ITGA1: variants seen among roughly 807,000 people sequenced by gnomAD.
The protein encoded by ITGA1 is integrin subunit alpha 1, also known as integrin alpha-1.
Under a neutral mutation model 145.9 loss-of-function variants are expected in ITGA1, and 85 were observed. That is an observed-to-expected ratio of 0.58 (90% CI 0.49 to 0.70). The LOEUF (loss-of-function observed/expected upper bound fraction) is 0.70. ITGA1 is among the 30% of genes least tolerant of loss of function. ITGA1 has a pLI of 0.00. For synonymous variants in ITGA1, 520 were observed against 495.3 expected (o/e 1.05, Z -0.66); for missense variants, 1,351 against 1,418.7 (o/e 0.95, Z 0.77).
intron 1 of ITGA1, among the ~76,000 whole-genome samples, chr5:52,829,562 G>T (rs1749024133): frequency 6.6e-6 from 1 of 151,874 alleles, no homozygotes; most frequent in Admixed American, 6.6e-5. Context: ...AGCACAGTTA[G>T]ATGGAAAAGG....
At chr5:52,937,347 G>T in intron 23 of ITGA1, 54 bp from the exon 24 acceptor site, 1 of 1,202,586 alleles carries the variant, frequency 8.3e-7, no homozygotes, top group Non-Finnish European at 1.2e-6. Flanking sequence ...ACATAAGACA[G>T]AAGAATTCTA....
chr5:52,924,510 C>T (rs1750774171), intron 18 of ITGA1, among the ~76,000 whole-genome samples: 1 of 152,224 alleles, frequency 6.6e-6, no homozygotes, highest in Non-Finnish European at 1.5e-5. Context: ...GAGGTAAAGG[C>T]AGGGGCCGGG....
chr5:52,882,055 A>T (rs1180696684), intron 7 of ITGA1, 34 bp downstream of exon 7: 5 of 1,498,542 alleles, frequency 3.3e-6, no homozygotes, highest in Non-Finnish European at 4.5e-6. Context: ...AAAGTAAAAG[A>T]CTGCAAAAAT....
chr5:52,907,750 C>T (rs1321102609), intron 12 of ITGA1, among the ~76,000 whole-genome samples: 1 of 152,142 alleles, frequency 6.6e-6, no homozygotes, highest in African/African-American at 2.4e-5. Context: ...TGGTGGGAAC[C>T]ATGGCCCTGG....
chr5:52,886,787 T>G (rs1409506428), intron 7 of ITGA1, among the ~76,000 whole-genome samples: 1 of 152,192 alleles, frequency 6.6e-6, no homozygotes, highest in Non-Finnish European at 1.5e-5. Context: ...TTTTGTTTTG[T>G]TTTTGAGACG....
At position 52,879,498 on chromosome 5, in the gene ITGA1, A is replaced by G. The variant is rs116742135; in HGVS notation, c.625-2375A>G. On this transcript the variant is annotated intron_variant, in intron 6 of 28. Coordinates refer to ENST00000282588, the MANE Select transcript of ITGA1 (RefSeq NM_181501.2). ...TATATACCCAAAGACATGTGTATCC[A>G]TGGATATGTCCCTTAATAATTATTC... Among the ~76,000 whole-genome samples, 1,236 of 152,330 alleles carry G rather than the reference A, an allele frequency of 8.1e-3. 10 individuals carry two copies. Among genetic ancestry groups the G allele is most frequent in the African/African-American group, 0.025 (1,033 of 41,572 alleles).
chr5:52,886,259 A>C (rs1750045003), intron 7 of ITGA1, among the ~76,000 whole-genome samples: 1 of 152,188 alleles, frequency 6.6e-6, no homozygotes. Context: ...CTGTATATCC[A>C]CCACTCAGAA....
chr5:52,893,706 G>A lies in ITGA1; in HGVS notation c.956G>A (p.Ser319Asn). 6.2e-7 allele frequency: 1 copy of A among 1,612,794 alleles called. No individual in the cohort carries two copies. The highest frequency in any genetic ancestry group is 8.5e-7 in the Non-Finnish European group (1 of 1,179,236). Residue 319 changes from serine to asparagine, a missense_variant, in exon 9 of 29, where the codon AGC becomes AAC. Physicochemically the swap from Ser to Asn is conservative, Grantham distance 46. Coordinates refer to ENST00000282588, the MANE Select transcript of ITGA1 (RefSeq NM_181501.2). ...ILGSYNRGNL[S>N]TEKFVEEIKS... ...GGCAGCTATAACCGAGGAAATTTAA[G>A]CACTGAAAAATTTGTGGAGGAAATA... is the stretch of plus-strand genomic sequence containing the variant.
At chr5:52,892,274 T>G (rs1750163312) in intron 8 of ITGA1, among the ~76,000 whole-genome samples, 1 of 152,022 alleles carries the variant, frequency 6.6e-6, no homozygotes, top group Non-Finnish European at 1.5e-5. Context: ...GCAAATTAAA[T>G]AAGACACCAC....
At position 52,944,981 on chromosome 5, in the gene ITGA1, A is replaced by G. The variant is rs1447925537; in HGVS notation, c.3324A>G (p.Glu1108=). The change falls in exon 27 of 29, where the codon GAA becomes GAG. Residue 1108 remains glutamate (E), a synonymous_variant. Transcript: ENST00000282588. ...FSSLNLTIRG[E]LRSENASLVL... ...GCTTAAATCTTACTATAAGGGGAGA[A>G]CTTCGGAGTGAAAATGCATCTCTGG... 2 of 1,613,274 alleles carry G rather than the reference A, an allele frequency of 1.2e-6. No individual in the cohort carries two copies. Among genetic ancestry groups the G allele is most frequent in the African/African-American group, 1.3e-5 (1 of 74,890 alleles).
chr5:52,805,130 A>G (rs747959281), intron 1 of ITGA1, among the ~76,000 whole-genome samples: 5 of 152,278 alleles, frequency 3.3e-5, no homozygotes, highest in Non-Finnish European at 5.9e-5. Flanking sequence ...TAGAGCAAGG[A>G]CCAGTAAGTT....
intron 19 of ITGA1, 98 bp from the exon 20 acceptor site, chr5:52,927,486 A>T (rs1054117311): frequency 9.5e-6 from 7 of 737,982 alleles, no homozygotes; most frequent in Non-Finnish European, 1.6e-5. Context: ...AATAGTGGCA[A>T]GGCAGTCACC....
chr5:52,876,810 C>T lies in ITGA1; in HGVS notation c.625-5063C>T, dbSNP rs1046925781. Among the ~76,000 whole-genome samples the T allele has an allele frequency of 5.3e-5, 8 of 152,154 alleles. No individual in the cohort carries two copies. In the South Asian group the frequency reaches 8.3e-4, roughly 16 times the overall value. Reference sequence around the variant, plus strand: ...TTGAGAAGAATGCAATACTCACAGACAAGTTTGTTTCAGAGTTCCAAGAAG... The same window carrying T: ...TTGAGAAGAATGCAATACTCACAGATAAGTTTGTTTCAGAGTTCCAAGAAG... On this transcript the variant is annotated intron_variant, in intron 6 of 28. Transcript: ENST00000282588.
intron 6 of ITGA1, among the ~76,000 whole-genome samples, chr5:52,876,550 T>C (rs1426361071): frequency 6.6e-6 from 1 of 152,136 alleles, no homozygotes; most frequent in African/African-American, 2.4e-5. Flanking sequence ...CAGACTTCGT[T>C]GTATCTCTCT....
intron 6 of ITGA1, among the ~76,000 whole-genome samples, chr5:52,872,753 C>G (rs980232706): frequency 6.6e-6 from 1 of 151,936 alleles, no homozygotes; most frequent in Non-Finnish European, 1.5e-5. Context: ...GCTCTTGTTA[C>G]TTGCTTTTCC....
intron 2 of ITGA1, among the ~76,000 whole-genome samples, chr5:52,854,229 T>C (rs969362211): frequency 1.3e-5 from 2 of 152,196 alleles, no homozygotes; most frequent in Non-Finnish European, 2.9e-5. Flanking sequence ...GCTCATGTGA[T>C]TGATGCCCTA....
rs1047752658 is a variant in ITGA1, at chr5:52,849,385, T to G, written c.82T>G (p.Ser28Ala). 8.1e-6 allele frequency: 13 copies of G among 1,610,998 alleles called. No individual in the cohort carries two copies. The highest frequency in any genetic ancestry group is 1.1e-5 in the Non-Finnish European group (13 of 1,178,356). The change falls in exon 2 of 29, where the codon TCA becomes GCA. Residue 28 changes from serine to alanine, a missense_variant. Ser to Ala is a moderately conservative substitution (Grantham distance 99). Coordinates refer to ENST00000282588, the MANE Select transcript of ITGA1 (RefSeq NM_181501.2). The part of the protein sequence containing the change: ...LLTVVLRCCV[S>A]FNVDVKNSMT... ...TAAAGTTGTTCTACGCTGCTGCGTA[T>G]CATTCAATGTTGATGTGAAAAATTC... is the stretch of plus-strand genomic sequence containing the variant.
At chr5:52,890,700 C>T (rs1366311892) in intron 8 of ITGA1, among the ~76,000 whole-genome samples, 6 of 152,190 alleles carry the variant, frequency 3.9e-5, no homozygotes, top group African/African-American at 1.4e-4. Context: ...TATCCATCAC[C>T]TCAGACACTT....
chr5:52,891,242 C>A lies in ITGA1; in HGVS notation c.925-2433C>A, dbSNP rs186783488. 4.1e-4 allele frequency among the ~76,000 whole-genome samples: 61 copies of A among 150,092 alleles called. 1 individual carries two copies. The highest frequency in any genetic ancestry group is 3.4e-3 in the Middle Eastern group (1 of 290). ...CTATTTCCTTTCTTTGGGATATATA[C>A]CCAGCAATGTTTTTTTTTTCTTTTT... On this transcript the variant is annotated intron_variant, in intron 8 of 28. Coordinates refer to ENST00000282588, the MANE Select transcript of ITGA1 (RefSeq NM_181501.2).
Sources: allele counts gnomAD v4.1 joint callset (sites outside exome capture counted in the v4.1 genomes callset), GRCh38; gene constraint gnomAD v4.1.1; transcripts MANE v1.5; gene names NCBI Gene and HGNC (gene_info 2026-07-23, HGNC 2026-07-21).